BCAT1: variants seen among roughly 807,000 people sequenced by gnomAD.
The protein encoded by BCAT1 is branched chain amino acid transaminase 1.
Under a neutral mutation model 52.4 loss-of-function variants are expected in BCAT1, and 48 were observed. The observed-to-expected ratio is 0.92, with a 90% CI of 0.73 to 1.16. BCAT1 has a LOEUF of 1.16. Ranked by LOEUF, BCAT1 falls within the 50% of genes most tolerant of loss-of-function variation. The pLI is 0.00. For missense variants in BCAT1, 451 were observed against 457.1 expected (o/e 0.99, Z 0.12); for synonymous variants, 167 against 161.3 (o/e 1.04, Z -0.27).
intron 7 of BCAT1, among the ~76,000 whole-genome samples, chr12:24,841,801 C>G (rs1383795397): frequency 6.6e-6 from 1 of 151,962 alleles, no homozygotes. Flanking sequence ...CCCAGCTACT[C>G]GGGAGGCTGA....
At chr12:24,878,747 T>C in intron 4 of BCAT1, 98 bp from the exon 5 acceptor site, 1 of 1,147,334 alleles carries the variant, frequency 8.7e-7, no homozygotes, top group South Asian at 1.8e-5. Flanking sequence ...AAAAAATTAA[T>C]AATCCCAACA....
chr12:24,849,540 C>A (rs1941442443), intron 6 of BCAT1, among the ~76,000 whole-genome samples: 1 of 152,236 alleles, frequency 6.6e-6, no homozygotes, highest in Admixed American at 6.5e-5. Flanking sequence ...TTCTCCCTTA[C>A]AAAGGGCCAT....
intron 5 of BCAT1, among the ~76,000 whole-genome samples, chr12:24,861,504 G>T (rs1277824094): frequency 2.0e-5 from 3 of 152,272 alleles, no homozygotes; most frequent in Non-Finnish European, 4.4e-5. Flanking sequence ...GAGAACTCGG[G>T]AGTTAGGAAT....
chr12:24,878,185 C>A (rs1290963176), intron 5 of BCAT1, among the ~76,000 whole-genome samples: 1 of 150,230 alleles, frequency 6.7e-6, no homozygotes, highest in African/African-American at 2.4e-5. Context: ...AAAAAAAAAT[C>A]ATTTCCTACC....
At chr12:24,842,326 TA>T in intron 6 of BCAT1, 102 bp from the exon 7 acceptor site, 1 of 1,289,678 alleles carries the variant, frequency 7.8e-7, no homozygotes, top group South Asian at 1.3e-5. Context: ...CATGTGGACA[TA>T]GTGAAGGTAT....
At chr12:24,898,340 C>G (rs1943007123) in intron 2 of BCAT1, among the ~76,000 whole-genome samples, 1 of 151,952 alleles carries the variant, frequency 6.6e-6, no homozygotes, top group African/African-American at 2.4e-5. Context: ...TGGAATGCCA[C>G]AATAACTGAT....
In BCAT1 at chr12:24,928,905, T is replaced by TTTTTA. The variant is rs531905786; in HGVS notation, c.6+20017_6+20021dup. Among the ~76,000 whole-genome samples, 321 of 151,914 alleles carry TTTTTA rather than the reference T, an allele frequency of 2.1e-3. 1 individual carries two copies. The highest frequency in any genetic ancestry group is 0.017 in the Middle Eastern group (5 of 294). On this transcript the variant is annotated intron_variant, in intron 1 of 10. Coordinates refer to ENST00000261192, the MANE Select transcript of BCAT1 (RefSeq NM_005504.7). ...CACGTGCACCATGCCCGGCTAATTT[T>TTTTTA]TTTTATTTTATTTTATTTTATTGTA...
chr12:24,928,803 T>G (rs1328985430), intron 1 of BCAT1, among the ~76,000 whole-genome samples: 3 of 152,068 alleles, frequency 2.0e-5, no homozygotes, highest in African/African-American at 4.8e-5. Context: ...TGGTGCAATC[T>G]CAGCTCACCA....
intron 9 of BCAT1, among the ~76,000 whole-genome samples, chr12:24,831,612 G>C (rs1446701369): frequency 6.6e-6 from 1 of 152,126 alleles, no homozygotes; most frequent in Non-Finnish European, 1.5e-5. Flanking sequence ...TTGTGCCCCT[G>C]CACTCCAGTA....
intron 8 of BCAT1, chr12:24,834,414 C>T (rs1940831845): frequency 2.0e-6 from 2 of 985,144 alleles, no homozygotes; most frequent in Non-Finnish European, 2.4e-6. Flanking sequence ...GAAAAAGATC[C>T]TTTTAAGCTA....
rs374985501 is a variant in BCAT1, at chr12:24,877,474, C to T, written c.510+1056G>A. ...GGCATGCCCAATCCATGCCTTTATT[C>T]ACAAGGGCACCCAACCAAGAGACTG... On this transcript the variant is annotated intron_variant, in intron 5 of 10. Transcript: ENST00000261192. Among the ~76,000 whole-genome samples, 14 of 152,340 alleles carry T rather than the reference C, an allele frequency of 9.2e-5. No individual in the cohort carries two copies. In the East Asian group the frequency reaches 9.6e-4, roughly 10 times the overall value.
At chr12:24,875,702 G>A (rs544332692) in intron 5 of BCAT1, among the ~76,000 whole-genome samples, 12 of 152,158 alleles carry the variant, frequency 7.9e-5, no homozygotes, top group Admixed American at 2.0e-4. Context: ...ATAACACCTC[G>A]GTGATTCAAA....
chr12:24,881,741 A>G (rs1265768504), intron 3 of BCAT1, among the ~76,000 whole-genome samples: 1 of 152,174 alleles, frequency 6.6e-6, no homozygotes, highest in Non-Finnish European at 1.5e-5. Context: ...AGCACAGGTT[A>G]ATTCCCTAGG....
At chr12:24,823,679 G>A (rs1252486454) in intron 10 of BCAT1, among the ~76,000 whole-genome samples, 1 of 151,924 alleles carries the variant, frequency 6.6e-6, no homozygotes, top group East Asian at 1.9e-4. Context: ...AAAGTGAGTG[G>A]CACCTCCCAC....
chr12:24,878,698 G>T, intron 4 of BCAT1, 49 bp from the exon 5 acceptor site: 1 of 1,525,200 alleles, frequency 6.6e-7, no homozygotes. Flanking sequence ...TCACAATGTG[G>T]CAATAATAAA....
In BCAT1 at chr12:24,926,480, C is replaced by A. The variant is rs1050569331; in HGVS notation, c.6+22447G>T. Among the ~76,000 whole-genome samples, 5 of 152,352 alleles carry A rather than the reference C, an allele frequency of 3.3e-5. No individual in the cohort carries two copies. In the East Asian group the frequency reaches 9.6e-4, roughly 29 times the overall value. On this transcript the variant is annotated intron_variant, in intron 1 of 10. Transcript: ENST00000261192. ...GGTGTACCCAACAGCTCATTGAGAACGGGCCATGATGACAATGGCGGTTTT... is the reference window on the plus strand; with the variant it reads ...GGTGTACCCAACAGCTCATTGAGAAAGGGCCATGATGACAATGGCGGTTTT...
chr12:24,836,912 A>AAAG (rs1940972802), intron 7 of BCAT1, among the ~76,000 whole-genome samples: 1 of 20,244 alleles, frequency 4.9e-5, no homozygotes, highest in African/African-American at 1.1e-4. Flanking sequence ...GAAAGAGAGA[A>AAAG]AGAAAGAAAG....
intron 1 of BCAT1, among the ~76,000 whole-genome samples, chr12:24,908,615 C>T (rs1423545236): frequency 6.6e-6 from 1 of 152,030 alleles, no homozygotes; most frequent in Non-Finnish European, 1.5e-5. Flanking sequence ...GTGCCATACA[C>T]CTGTGGTCCC....
Position 24,849,920 on chromosome 12 carries a change from T to C in BCAT1, c.540A>G (p.Lys180=). The C allele has an allele frequency of 6.2e-7, 1 of 1,611,160 alleles. No individual in the cohort carries two copies. Among genetic ancestry groups the C allele is most frequent in the Non-Finnish European group, 8.5e-7 (1 of 1,178,152 alleles). Residue 180 remains lysine (K), a synonymous_variant, in exon 6 of 11, where the codon AAA becomes AAG. Coordinates refer to ENST00000261192, the MANE Select transcript of BCAT1 (RefSeq NM_005504.7). The part of the protein sequence containing the change: ...EPSLGVKKPT[K]ALLFVLLSPV... ...GGCTCAAGAGTACAAAGAGCAGGGC[T>C]TTGGTAGGCTTCTTGACTCCAAGAG...
Sources: gnomAD v4.1 joint callset for allele counts (sites outside exome capture counted in the v4.1 genomes callset) on GRCh38, gnomAD v4.1.1 for gene constraint, MANE v1.5 for transcripts, NCBI Gene and HGNC (gene_info 2026-07-23, HGNC 2026-07-21) for gene names.